The following EGFLAM variants were observed in gnomAD, a reference collection of about 807,000 sequenced individuals.
EGFLAM encodes the protein pikachurin.
Under a neutral mutation model 113.1 loss-of-function variants are expected in EGFLAM, and 79 were observed. That is an observed-to-expected ratio of 0.70 (90% CI 0.58 to 0.84). The LOEUF (loss-of-function observed/expected upper bound fraction) is 0.84, where lower values mean the gene tolerates loss of function less well. Among genes scored for constraint, EGFLAM ranks in the 40% least tolerant of loss-of-function variants. The probability of loss-of-function intolerance (pLI) is 0.00; values close to 1 mark genes in which losing one functional copy is unlikely to be tolerated. For synonymous variants in EGFLAM, 504 were observed against 487.6 expected (o/e 1.03, Z -0.44); for missense variants, 1,265 against 1,291.6 (o/e 0.98, Z 0.32).
chr5:38,388,848 G>A (rs1253609626), intron 6 of EGFLAM, among the ~76,000 whole-genome samples: 3 of 150,236 alleles, frequency 2.0e-5, no homozygotes, highest in African/African-American at 2.5e-5. Flanking sequence ...CTGGGAGGTC[G>A]AGGCTGCCGT....
intron 14 of EGFLAM, among the ~76,000 whole-genome samples, chr5:38,427,906 C>G (rs1224249308): frequency 6.6e-6 from 1 of 152,180 alleles, no homozygotes. Context: ...TCAAAACTTT[C>G]CTACTGTTAT....
intron 1 of EGFLAM, among the ~76,000 whole-genome samples, chr5:38,270,089 T>C (rs1329638621): frequency 2.0e-5 from 3 of 152,190 alleles, no homozygotes; most frequent in Non-Finnish European, 4.4e-5. Flanking sequence ...ATGCGTGTCA[T>C]GGGACACTCT....
At chr5:38,339,345 A>AT (rs1739273688) in intron 3 of EGFLAM, among the ~76,000 whole-genome samples, 1 of 151,840 alleles carries the variant, frequency 6.6e-6, no homozygotes, top group African/African-American at 2.4e-5. Flanking sequence ...GGCATCTTGA[A>AT]TTTTCTTTTC....
intron 11 of EGFLAM, among the ~76,000 whole-genome samples, chr5:38,417,594 T>C (rs1262049427): frequency 6.6e-6 from 1 of 151,338 alleles, no homozygotes; most frequent in African/African-American, 2.4e-5. Context: ...CCCAACAATG[T>C]TTCTCTCAGG....
In EGFLAM at chr5:38,412,613, C is replaced by T; in HGVS notation, c.1459C>T (p.Leu487=). Reference sequence around the variant, plus strand: ...AGATGGGCTGAACGGGCTGCTGCAGCTGAACAATGGCACCCCAGTGACAGG... The same window carrying T: ...AGATGGGCTGAACGGGCTGCTGCAGTTGAACAATGGCACCCCAGTGACAGG... ...YRDGLNGLLQ[L]NNGTPVTGQS... is the part of the protein sequence containing the mutation. Residue 487 remains leucine, a synonymous_variant, in exon 11 of 22, where the codon CTG becomes TTG. Transcript: ENST00000322350. 6.2e-7 allele frequency: 1 copy of T among 1,614,130 alleles called. No homozygotes were observed. Among genetic ancestry groups the T allele is most frequent in the Non-Finnish European group, 8.5e-7 (1 of 1,180,012 alleles).
At chr5:38,295,549 C>T (rs1758434074) in intron 1 of EGFLAM, among the ~76,000 whole-genome samples, 2 of 152,144 alleles carry the variant, frequency 1.3e-5, no homozygotes, top group Non-Finnish European at 2.9e-5. Context: ...CATTATTTTA[C>T]TACATGGGAA....
chr5:38,457,685 GGAGGGAGGGGGCA>G (rs1383019837), intron 19 of EGFLAM, among the ~76,000 whole-genome samples: 3 of 152,186 alleles, frequency 2.0e-5, no homozygotes, highest in African/African-American at 7.2e-5. Flanking sequence ...TTTGGCGGGT[GGAGGGAGGGGGCA>G]GACCATCATC....
intron 1 of EGFLAM, among the ~76,000 whole-genome samples, chr5:38,305,072 A>C (rs1758689833): frequency 6.6e-6 from 1 of 152,186 alleles, no homozygotes; most frequent in Admixed American, 6.5e-5. Flanking sequence ...TAGTGCCTCA[A>C]TTCAGGACAT....
intron 1 of EGFLAM, among the ~76,000 whole-genome samples, chr5:38,287,215 C>T (rs1758187054): frequency 6.6e-6 from 1 of 152,184 alleles, no homozygotes; most frequent in Non-Finnish European, 1.5e-5. Flanking sequence ...CCATAATCTT[C>T]CTGAGCTTCA....
Position 38,462,906 on chromosome 5 carries a change from A to G in EGFLAM, c.2772-2A>G. 1 of 1,614,068 alleles carries G rather than the reference A, an allele frequency of 6.2e-7. No homozygotes were observed. Among genetic ancestry groups the G allele is most frequent in the Non-Finnish European group, 8.5e-7 (1 of 1,179,968 alleles). On this transcript the variant is annotated splice_acceptor_variant, in intron 20 of 21. Coordinates refer to ENST00000322350, the MANE Select transcript of EGFLAM (RefSeq NM_152403.4). LOFTEE classifies it high-confidence loss of function. ...GTTCTTTTTTGTTTTGGTGTTTTGC[A>G]GGGATGGCCAGTCAGGAAAGATAAC...
At chr5:38,280,266 C>T (rs11745744) in intron 1 of EGFLAM, among the ~76,000 whole-genome samples, 62,914 of 152,020 alleles carry the variant, frequency 0.41, 13,559 homozygotes, top group Middle Eastern at 0.56. Context: ...AGTGAGTTTC[C>T]GGCATGTTCT....
At chr5:38,454,786 C>G (rs1272570571) in intron 19 of EGFLAM, among the ~76,000 whole-genome samples, 1 of 152,126 alleles carries the variant, frequency 6.6e-6, no homozygotes, top group Admixed American at 6.5e-5. Flanking sequence ...ACTTTCATGA[C>G]TTTCTTTACC....
Position 38,406,261 on chromosome 5 carries a change from T to G in EGFLAM, c.828+20T>G. ...GAGGAGGTAACAATAATCTCTGCTC[T>G]TAAAACCCAGGGTGTTTGTGTTTTC... On this transcript the variant is annotated intron_variant, in intron 7 of 21. Transcript: ENST00000322350. 1 of 1,604,138 alleles carries G rather than the reference T, an allele frequency of 6.2e-7. No homozygotes were observed. The highest frequency in any genetic ancestry group is 1.1e-5 in the South Asian group (1 of 90,624).
chr5:38,266,109 C>A (rs1446371919), intron 1 of EGFLAM, among the ~76,000 whole-genome samples: 1 of 152,194 alleles, frequency 6.6e-6, no homozygotes, highest in Admixed American at 6.5e-5. Context: ...ATGGCGTTAA[C>A]AAAAAGCCAC....
At chr5:38,300,513 C>A (rs549533468) in intron 1 of EGFLAM, among the ~76,000 whole-genome samples, 21 of 152,148 alleles carry the variant, frequency 1.4e-4, no homozygotes, top group African/African-American at 4.8e-4. Context: ...GCAGCTGGGA[C>A]TACAGGCACA....
At position 38,267,023 on chromosome 5, in the gene EGFLAM, G is replaced by A. The variant is rs1757649792; in HGVS notation, c.97+8172G>A. Among the ~76,000 whole-genome samples the A allele has an allele frequency of 3.3e-5, 5 of 152,280 alleles. No homozygotes were observed. In the South Asian group the frequency reaches 1.0e-3, roughly 32 times the overall value. On this transcript the variant is annotated intron_variant, in intron 1 of 21. Coordinates refer to ENST00000322350, the MANE Select transcript of EGFLAM (RefSeq NM_152403.4). ...AGGCTAGTGCTTTGAAAGAGCTGAA[G>A]TGCTACCTAAGGAGAGGATATGATC...
chr5:38,410,027 T>C (rs1359063370), intron 10 of EGFLAM, among the ~76,000 whole-genome samples: 2 of 152,180 alleles, frequency 1.3e-5, no homozygotes, highest in Admixed American at 6.5e-5. Context: ...ACCTTCAGCA[T>C]GTGGCGCAAC....
chr5:38,373,332 T>C (rs1325675791), intron 6 of EGFLAM, among the ~76,000 whole-genome samples: 3 of 152,166 alleles, frequency 2.0e-5, no homozygotes, highest in East Asian at 3.9e-4. Context: ...GTGAGATGTA[T>C]GTGGCTTCTA....
chr5:38,351,246 C>A (rs1369491852), intron 4 of EGFLAM, among the ~76,000 whole-genome samples: 1 of 151,976 alleles, frequency 6.6e-6, no homozygotes, highest in South Asian at 2.1e-4. Context: ...GTAGCTGGAA[C>A]TATAGTCACA....
Sources: gnomAD v4.1 joint callset for allele counts (sites outside exome capture counted in the v4.1 genomes callset) on GRCh38, gnomAD v4.1.1 for gene constraint, MANE v1.5 for transcripts, NCBI Gene and HGNC (gene_info 2026-07-23, HGNC 2026-07-21) for gene names.